NLRP11: variants seen among roughly 807,000 people sequenced by gnomAD.
The protein encoded by NLRP11 is NACHT, LRR and PYD domains-containing protein 11.
NLRP11 carries 53 observed loss-of-function variants against 79.3 expected under a neutral mutation model. The observed-to-expected ratio is 0.67, with a 90% CI of 0.54 to 0.84. The LOEUF is 0.84. Ranked by LOEUF, NLRP11 falls within the 40% of genes least tolerant of loss-of-function variation. NLRP11 has a pLI of 0.00. For missense variants in NLRP11, 1,264 were observed against 1,255.0 expected (o/e 1.01, Z -0.11); for synonymous variants, 518 against 462.6 (o/e 1.12, Z -1.54).
At chr19:55,794,753 C>T (rs374693607) in intron 6 of NLRP11, among the ~76,000 whole-genome samples, 2 of 151,738 alleles carry the variant, frequency 1.3e-5, no homozygotes, top group South Asian at 4.2e-4. Flanking sequence ...CAGCGAGACT[C>T]CGTCTCAAAA....
chr19:55,785,828 T>C (rs773290992), exon 10 of NLRP11: 2 of 1,614,124 alleles, frequency 1.2e-6, no homozygotes, highest in East Asian at 4.5e-5. Context: ...TTTACAGTCA[T>C]CAGCAACTGC....
intron 1 of NLRP11, among the ~76,000 whole-genome samples, chr19:55,823,637 A>G (rs376302795): frequency 0.034 from 4,801 of 139,692 alleles, 220 homozygotes; most frequent in Non-Finnish European, 0.049. Context: ...AGGAGCCGAT[A>G]CGATCAACTG....
intron 8 of NLRP11, 36 bp downstream of exon 8, chr19:55,789,193 G>A (rs779942465): frequency 2.4e-5 from 38 of 1,578,008 alleles, no homozygotes; most frequent in Non-Finnish European, 8.6e-7. Context: ...GCTGTTGCTA[G>A]CTAAAGGCAG....
At chr19:55,828,873 C>T (rs568130082) in intron 1 of NLRP11, among the ~76,000 whole-genome samples, 1 of 151,386 alleles carries the variant, frequency 6.6e-6, no homozygotes, top group Non-Finnish European at 1.5e-5. Flanking sequence ...TATATCTGAC[C>T]TTTGAAGAAA....
In NLRP11 at chr19:55,796,693, C is replaced by CTTTT. The variant is rs58565461; in HGVS notation, c.2172-447_2172-444dup. Among the ~76,000 whole-genome samples the CTTTT allele has an allele frequency of 4.5e-4, 66 of 147,270 alleles. 1 individual carries two copies. The highest frequency in any genetic ancestry group is 6.0e-4 in the African/African-American group (24 of 39,848). Reference sequence around the variant, plus strand: ...TCTGGCTCTCAACTATCTCTATTTTCTTTTTTTTTTTGAGATGGAGTCTTG... The same window carrying CTTTT: ...TCTGGCTCTCAACTATCTCTATTTTCTTTTTTTTTTTTTTTGAGATGGAGTCTTG... On this transcript the variant is annotated intron_variant, in intron 5 of 9. Coordinates refer to ENST00000589093, the Ensembl canonical transcript of NLRP11.
At chr19:55,818,048 G>T (rs866043338) in exon 2 of NLRP11, 2 of 1,614,002 alleles carry the variant, frequency 1.2e-6, no homozygotes, top group African/African-American at 2.7e-5. Flanking sequence ...TGTATCAGTG[G>T]AAACTGTGGC....
chr19:55,833,393 A>G (rs1982960896), upstream of NLRP11, among the ~76,000 whole-genome samples: 2 of 152,184 alleles, frequency 1.3e-5, no homozygotes, highest in African/African-American at 2.4e-5. Flanking sequence ...CCTGAAGCAC[A>G]TAGGTGGGTG....
rs149665393 is a variant in NLRP11 at position 55,828,520 on chromosome 19, C to A, written c.-63+3443G>T. 4.7e-3 allele frequency among the ~76,000 whole-genome samples: 716 copies of A among 152,142 alleles called. 1 individual carries two copies. The highest frequency in any genetic ancestry group is 0.017 in the African/African-American group (690 of 41,506). ...TACTCATTGCAACAAATTTTAAATC[C>A]CAGGAGAGCTGCTATGTGTGCACAT... On this transcript the variant is annotated intron_variant, in intron 1 of 9. Transcript: ENST00000589093.
chr19:55,812,275 C>A (rs146166185), intron 2 of NLRP11, among the ~76,000 whole-genome samples: 35 of 152,048 alleles, frequency 2.3e-4, no homozygotes, highest in African/African-American at 7.7e-4. Context: ...TTAAAATATA[C>A]ACTATGCAAA....
At chr19:55,806,617 G>A (rs952431247) in intron 4 of NLRP11, among the ~76,000 whole-genome samples, 2 of 152,050 alleles carry the variant, frequency 1.3e-5, no homozygotes, top group Non-Finnish European at 1.5e-5. Context: ...TATGCTCCCC[G>A]ATTGGCCATT....
At position 55,801,790 on chromosome 19, in the gene NLRP11, C is replaced by T. The variant is rs765650953; in HGVS notation, c.2004-51G>A. 15 of 1,501,384 alleles carry T rather than the reference C, an allele frequency of 1.0e-5. 1 individual carries two copies. In the South Asian group the frequency reaches 1.7e-4, roughly 17 times the overall value. 93.0% of individuals were successfully genotyped at this position (1,501,384 alleles called of 1,614,324 possible). A position where few individuals can be genotyped will look rare whatever the true frequency, so the allele number is the denominator to read the frequency against. ...GCACTAGTGAAGGTCTGAACATCTT[C>T]TCCACAATTTCTCCTGCCTGCCTCA... On this transcript the variant is annotated intron_variant, in intron 4 of 9. Transcript: ENST00000589093.
intron 7 of NLRP11, among the ~76,000 whole-genome samples, chr19:55,790,238 C>A (rs909437335): frequency 2.0e-5 from 3 of 152,172 alleles, no homozygotes; most frequent in African/African-American, 7.2e-5. Context: ...GTTTTTACTG[C>A]CTGATACAGG....
chr19:55,829,199 CA>C (rs1384589035), intron 1 of NLRP11, among the ~76,000 whole-genome samples: 1 of 112,128 alleles, frequency 8.9e-6, no homozygotes, highest in Non-Finnish European at 1.7e-5. Flanking sequence ...CACAATATTG[CA>C]TTTTTTTTTT....
chr19:55,810,894 G>C (rs989420186), intron 2 of NLRP11, among the ~76,000 whole-genome samples: 4 of 152,166 alleles, frequency 2.6e-5, no homozygotes, highest in Non-Finnish European at 4.4e-5. Flanking sequence ...TCCTTCAAGG[G>C]CTTCCCTCTC....
intron 2 of NLRP11, among the ~76,000 whole-genome samples, chr19:55,816,221 A>T (rs10411990): frequency 0.22 from 33,892 of 152,120 alleles, 5,773 homozygotes; most frequent in African/African-American, 0.48. Context: ...AAGCCAAAGA[A>T]GAGGAGTAGC....
At chr19:55,808,249 G>A (rs1367087702) in intron 3 of NLRP11, among the ~76,000 whole-genome samples, 1 of 152,160 alleles carries the variant, frequency 6.6e-6, no homozygotes, top group Non-Finnish European at 1.5e-5. Flanking sequence ...TTAAATGCGA[G>A]ATTATTAAAT....
intron 1 of NLRP11, among the ~76,000 whole-genome samples, chr19:55,831,208 A>C (rs1461144374): frequency 3.4e-5 from 5 of 147,372 alleles, no homozygotes; most frequent in Non-Finnish European, 7.5e-5. Flanking sequence ...AGGGAGGTCA[A>C]ACCTCCTCCT....
At chr19:55,805,627 C>T (rs1266192810) in intron 4 of NLRP11, among the ~76,000 whole-genome samples, 2 of 152,034 alleles carry the variant, frequency 1.3e-5, no homozygotes, top group African/African-American at 4.8e-5. Context: ...GTGGCCTGCG[C>T]CTCCCGGGTT....
At position 55,809,834 on chromosome 19, in the gene NLRP11, A is replaced by C; in HGVS notation, c.776T>G (p.Leu259Arg). The C allele has an allele frequency of 6.2e-7, 1 of 1,614,218 alleles. No homozygotes were observed. The highest frequency in any genetic ancestry group is 8.5e-7 in the Non-Finnish European group (1 of 1,180,012). ...CATTTTTCTCTTCAGCAAACTGACC[A>C]GGAGAACTGGAATGGGAACTTTCTG... Residue 259 changes from leucine to arginine, a missense_variant, in exon 3 of 10, where the codon CTG becomes CGG. By Grantham distance (102) the Leu-to-Arg change is moderately radical. Transcript: ENST00000589093. This position sits in a 1 kb window ranked among gnomAD's most constrained non-coding sequence, Gnocchi z 4.5.
Sources: gnomAD v4.1 joint callset for allele counts (sites outside exome capture counted in the v4.1 genomes callset) on GRCh38, gnomAD v4.1.1 for gene constraint, Gnocchi (gnomAD v3.1) non-coding constraint, MANE v1.5 for transcripts, NCBI Gene and HGNC (gene_info 2026-07-23, HGNC 2026-07-21) for gene names.